The following NEU1 variants were observed in gnomAD, a reference collection of about 807,000 sequenced individuals.
NEU1 encodes neuraminidase 1.
In NEU1, 32 loss-of-function variants were observed where a neutral mutation model predicts 38.3. The observed-to-expected ratio is 0.84, with a 90% CI of 0.63 to 1.12. The LOEUF is 1.12. Ranked by LOEUF, NEU1 falls within the 50% of genes most tolerant of loss-of-function variation. NEU1 has a pLI of 0.00. For synonymous variants in NEU1, 192 were observed against 225.2 expected, an observed-to-expected ratio of 0.85 and a Z score of 1.32; for missense variants, 431 against 549.2, an observed-to-expected ratio of 0.78 and a Z score of 2.15.
chr6:31,857,664 A>G lies in NEU1; in HGVS notation c.*2055T>C, dbSNP rs1762354413. ...TTCTTTTTCTTTTTTTTTTTGAGCAAGGGCTCTCCCACTTACCTGCAGGCT... is the reference window on the plus strand; with the variant it reads ...TTCTTTTTCTTTTTTTTTTTGAGCAGGGGCTCTCCCACTTACCTGCAGGCT... On this transcript the variant is annotated 3_prime_UTR_variant, in exon 6 of 6. Transcript: ENST00000375631. 1 of 151,308 alleles carries G rather than the reference A, an allele frequency of 6.6e-6. No individual in the cohort carries two copies. The highest frequency in any genetic ancestry group is 2.4e-5 in the African/African-American group (1 of 41,156). The allele number at this position is 151,308 out of a possible 1,614,324, so 9.4% of individuals were successfully genotyped here.
rs1428856740 is a variant in NEU1 at position 31,860,014 on chromosome 6, C to G, written c.1021+28G>C. 2 of 1,612,874 alleles carry G rather than the reference C, an allele frequency of 1.2e-6. No homozygotes were observed. Among genetic ancestry groups the G allele is most frequent in the Admixed American group, 1.7e-5 (1 of 60,016 alleles). The stretch of plus-strand genomic sequence containing the variant: ...GCCTTGTCTAGACACAGGGCTCTCC[C>G]TGCTGACCCCACCCATGAGGCACTC... On this transcript the variant is annotated intron_variant, in intron 5 of 5. Transcript: ENST00000375631. The surrounding 1 kb of genome is among the most constrained non-coding windows in gnomAD (Gnocchi z 4.8).
At chr6:31,861,525 C>T in intron 2 of NEU1, 75 bp from the exon 3 acceptor site, 2 of 1,599,418 alleles carry the variant, frequency 1.3e-6, no homozygotes, top group Non-Finnish European at 1.7e-6. Context: ...CGTTAATTTC[C>T]CACCTTCTGC....
rs1049837207 is a variant in NEU1, at chr6:31,859,771, T to C, written c.1196A>G (p.His399Arg). The change falls in exon 6 of 6, where the codon CAC becomes CGC. Residue 399 changes from histidine to arginine, a missense_variant. His to Arg is a conservative substitution (Grantham distance 29, BLOSUM62 0). Coordinates refer to ENST00000375631, the MANE Select transcript of NEU1 (RefSeq NM_000434.4). ...LYVLYEKGRN[H>R]YTESISVAKI... is the part of the protein sequence containing the mutation. ...GGCCACGGAGATGCTCTCTGTGTAG[T>C]GGTTCCGGCCTTTCTCATACAGGAC... 6.2e-7 allele frequency: 1 copy of C among 1,613,044 alleles called. No homozygotes were observed. The highest frequency in any genetic ancestry group is 8.5e-7 in the Non-Finnish European group (1 of 1,180,026).
rs142833447 is a variant in NEU1 at position 31,861,401 on chromosome 6, G to A, written c.402C>T (p.Pro134=). Residue 134 remains proline, a synonymous_variant, in exon 3 of 6, where the codon CCC becomes CCT. Coordinates refer to ENST00000375631, the MANE Select transcript of NEU1 (RefSeq NM_000434.4). ...TAFIVNDGDV[P]DGLNLGAVVS... is the part of the protein sequence containing the mutation. Reference sequence around the variant, plus strand: ...CTACTGCCCCAAGGTTCAGCCCATCGGGGACATCCCCATCATTGACAATGA... The same window carrying A: ...CTACTGCCCCAAGGTTCAGCCCATCAGGGACATCCCCATCATTGACAATGA... 9.4e-4 allele frequency: 1,517 copies of A among 1,612,888 alleles called. No homozygotes were observed. The highest frequency in any genetic ancestry group is 1.2e-3 in the Non-Finnish European group (1,390 of 1,180,012).
chr6:31,861,370 C>T lies in NEU1; in HGVS notation c.433G>A (p.Asp145Asn), dbSNP rs751607058. 9.3e-6 allele frequency: 15 copies of T among 1,612,892 alleles called. No individual in the cohort carries two copies. Among genetic ancestry groups the T allele is most frequent in the East Asian group, 6.7e-5 (3 of 44,896 alleles). The change falls in exon 3 of 6, where the codon GAT becomes AAT. Residue 145 changes from aspartate (D) to asparagine (N), a missense_variant. Coordinates refer to ENST00000375631, the MANE Select transcript of NEU1 (RefSeq NM_000434.4). ...DGLNLGAVVS[D>N]VETGVVFLFY... ...AGAAATACTACTCCTGTCTCAACAT[C>T]GCTCACTACTGCCCCAAGGTTCAGC... is the stretch of plus-strand genomic sequence containing the variant.
rs1484280442 is a variant in NEU1, at chr6:31,860,427, T to C, written c.798+12A>G. On this transcript the variant is annotated intron_variant, in intron 4 of 5. Coordinates refer to ENST00000375631, the MANE Select transcript of NEU1 (RefSeq NM_000434.4). The surrounding 1 kb of genome is among the most constrained non-coding windows in gnomAD (Gnocchi z 4.8). ...GGTCAAATGGGTAGGGAACATCTCA[T>C]GGACTCCTGACCTGGCATTCATCAG... 8 of 1,614,008 alleles carry C rather than the reference T, an allele frequency of 5.0e-6. No homozygotes were observed. The highest frequency in any genetic ancestry group is 2.2e-5 in the East Asian group (1 of 44,868).
At position 31,859,879 on chromosome 6, in the gene NEU1, A is replaced by G. The variant is rs193922915; in HGVS notation, c.1088T>C (p.Leu363Pro). The change falls in exon 6 of 6, where the codon CTA (leucine) becomes CCA (proline). Residue 363 changes from leucine to proline, a missense_variant. Transcript: ENST00000375631. ...GTSWRKETVQ[L>P]WPGPSGYSSL... ...TGAATAGCCACTGGGGCCTGGCCAT[A>G]GCTGGACTGTCTCTTTCCGCCATGA... 1.2e-6 allele frequency: 2 copies of G among 1,612,934 alleles called. No individual in the cohort carries two copies. Among genetic ancestry groups the G allele is most frequent in the Non-Finnish European group, 1.7e-6 (2 of 1,180,032 alleles).
Position 31,862,089 on chromosome 6 carries a change from C to T in NEU1, c.262G>A (p.Gly88Ser). The change falls in exon 2 of 6, where the codon GGC becomes AGC. Residue 88 changes from glycine to serine, a missense_variant. Transcript: ENST00000375631. This position sits in a 1 kb window ranked among gnomAD's most constrained non-coding sequence, Gnocchi z 6.3. The stretch of plus-strand genomic sequence containing the variant: ...GCCTCAGCAAAGGCGAGAAGAGTGC[C>T]CCGCGGAGTGGCTGTGATGAGCGGG... ...RIPLITATPRGTLLAFAEARK... is the reference protein window; with the variant it reads ...RIPLITATPRSTLLAFAEARK... The T allele has an allele frequency of 6.2e-7, 1 of 1,613,074 alleles. No individual in the cohort carries two copies. The highest frequency in any genetic ancestry group is 8.5e-7 in the Non-Finnish European group (1 of 1,180,038).
chr6:31,859,677 C>T lies in NEU1; in HGVS notation c.*42G>A. The T allele has an allele frequency of 1.3e-6, 2 of 1,593,014 alleles. No homozygotes were observed. Among genetic ancestry groups the T allele is most frequent in the Non-Finnish European group, 1.7e-6 (2 of 1,164,226 alleles). On this transcript the variant is annotated 3_prime_UTR_variant, in exon 6 of 6. Coordinates refer to ENST00000375631, the MANE Select transcript of NEU1 (RefSeq NM_000434.4). ...CTCTACAGACCCGTGTTCCTGAAGG[C>T]AGAGTCCTGAAGGCAGAATACCCCT...
At position 31,862,300 on chromosome 6, in the gene NEU1, T is replaced by G. The variant is rs1762553307; in HGVS notation, c.160-109A>C. The G allele has an allele frequency of 8.2e-7, 1 of 1,216,388 alleles. No homozygotes were observed. Among genetic ancestry groups the G allele is most frequent in the Non-Finnish European group, 1.2e-6 (1 of 842,266 alleles). The allele number at this position is 1,216,388 out of a possible 1,614,324, so 75.3% of individuals were successfully genotyped here. A position where few individuals can be genotyped will look rare whatever the true frequency, so the allele number is the denominator to read the frequency against. On this transcript the variant is annotated intron_variant, in intron 1 of 5. Transcript: ENST00000375631. This position sits in a 1 kb window ranked among gnomAD's most constrained non-coding sequence, Gnocchi z 6.3. ...TCTAATGGGGATCCCGAGTAGGGGATGGGGTCCCAGAACAAGAAAGAGGAA... is the reference window on the plus strand; with the variant it reads ...TCTAATGGGGATCCCGAGTAGGGGAGGGGGTCCCAGAACAAGAAAGAGGAA...
chr6:31,861,078 C>A, intron 3 of NEU1, 110 bp downstream of exon 3: 1 of 1,517,774 alleles, frequency 6.6e-7, no homozygotes, highest in South Asian at 1.1e-5. Flanking sequence ...CCCACCCAAG[C>A]CAGAAAATCT....
At position 31,862,313 on chromosome 6, in the gene NEU1, CAAGA is replaced by C; in HGVS notation, c.160-126_160-123del. 1 of 1,124,742 alleles carries C rather than the reference CAAGA, an allele frequency of 8.9e-7. No homozygotes were observed. Among genetic ancestry groups the C allele is most frequent in the South Asian group, 1.3e-5 (1 of 75,554 alleles). The allele number at this position is 1,124,742 out of a possible 1,614,324, so 69.7% of individuals were successfully genotyped here. ...CCGAGTAGGGGATGGGGTCCCAGAA[CAAGA>C]AAGAGGAACACGAAGGGGAGTTTGG... On this transcript the variant is annotated intron_variant, in intron 1 of 5. Transcript: ENST00000375631. The surrounding 1 kb of genome is among the most constrained non-coding windows in gnomAD (Gnocchi z 6.3).
At chr6:31,861,516 G>A (rs766029281) in intron 2 of NEU1, 66 bp from the exon 3 acceptor site, 8 of 1,606,366 alleles carry the variant, frequency 5.0e-6, no homozygotes, top group Admixed American at 1.7e-5. Context: ...ACCACTTCCC[G>A]TTAATTTCCC....
Position 31,861,297 on chromosome 6 carries a change from G to A in NEU1, c.506C>T (p.Thr169Ile), listed in dbSNP as rs1249216438. ...ATCATCCTTGCTCCATACCAACATG[G>A]TAGAGGCCACCTGGCAGCCGGCCTT... ...AHKAGCQVAS[T>I]MLVWSKDDGV... is the part of the protein sequence containing the mutation. The change falls in exon 3 of 6, where the codon ACC (threonine) becomes ATC (isoleucine). Residue 169 changes from threonine to isoleucine, a missense_variant. Coordinates refer to ENST00000375631, the MANE Select transcript of NEU1 (RefSeq NM_000434.4). 1 of 1,613,044 alleles carries A rather than the reference G, an allele frequency of 6.2e-7. No individual in the cohort carries two copies. The highest frequency in any genetic ancestry group is 1.7e-5 in the Admixed American group (1 of 60,028).
Position 31,860,495 on chromosome 6 carries a change from C to T in NEU1, c.742G>A (p.Gly248Ser), listed in dbSNP as rs373311653. Residue 248 changes from glycine (G) to serine (S), a missense_variant, in exon 4 of 6, where the codon GGC becomes AGC. Physicochemically the swap from Gly to Ser is moderately conservative, Grantham distance 56. Coordinates refer to ENST00000375631, the MANE Select transcript of NEU1 (RefSeq NM_000434.4). This position sits in a 1 kb window ranked among gnomAD's most constrained non-coding sequence, Gnocchi z 4.8. ...ASWRYGSGVS[G>S]IPYGQPKQEN... ...TGCTTGGGCTGACCGTAGGGGATGCCGCTGACCCCACTTCCGTAGCGCCAG... is the reference window on the plus strand; with the variant it reads ...TGCTTGGGCTGACCGTAGGGGATGCTGCTGACCCCACTTCCGTAGCGCCAG... The T allele has an allele frequency of 1.4e-5, 23 of 1,613,928 alleles. No individual in the cohort carries two copies. The highest frequency in any genetic ancestry group is 2.2e-5 in the South Asian group (2 of 91,084).
chr6:31,859,615 G>T lies in NEU1; in HGVS notation c.*104C>A. On this transcript the variant is annotated 3_prime_UTR_variant, in exon 6 of 6. Coordinates refer to ENST00000375631, the MANE Select transcript of NEU1 (RefSeq NM_000434.4). The stretch of plus-strand genomic sequence containing the variant: ...ATTTTGCCAAGGCTGGAGTCTAAAG[G>T]AAGATGGAACTGTCTTTCAGGCGTC... 1.7e-6 allele frequency: 2 copies of T among 1,151,436 alleles called. No homozygotes were observed. Among genetic ancestry groups the T allele is most frequent in the South Asian group, 2.5e-5 (2 of 80,094 alleles). The allele number at this position is 1,151,436 out of a possible 1,614,324, so 71.3% of individuals were successfully genotyped here. A position where few individuals can be genotyped will look rare whatever the true frequency, so the allele number is the denominator to read the frequency against.
chr6:31,860,550 G>C lies in NEU1; in HGVS notation c.687C>G (p.Phe229Leu), dbSNP rs768162553. ...GHGTLERDGVFCLLSDDHGAS... is the reference protein window; with the variant it reads ...GHGTLERDGVLCLLSDDHGAS... ...CACCATGATCATCGCTGAGGAGACA[G>C]AAGACTCCGTCCCGCTCCAGCGTCC... The change falls in exon 4 of 6, where the codon TTC (phenylalanine) becomes TTG (leucine). Residue 229 changes from phenylalanine (F) to leucine (L), a missense_variant. Coordinates refer to ENST00000375631, the MANE Select transcript of NEU1 (RefSeq NM_000434.4). The surrounding 1 kb of genome is among the most constrained non-coding windows in gnomAD (Gnocchi z 4.8). 16 of 1,614,010 alleles carry C rather than the reference G, an allele frequency of 9.9e-6. No individual in the cohort carries two copies. Among genetic ancestry groups the C allele is most frequent in the Non-Finnish European group, 1.4e-5 (16 of 1,180,030 alleles).
In NEU1 at chr6:31,860,491, A is replaced by C; in HGVS notation, c.746T>G (p.Ile249Ser). 1 of 1,613,908 alleles carries C rather than the reference A, an allele frequency of 6.2e-7. No homozygotes were observed. ...TTCCTGCTTGGGCTGACCGTAGGGG[A>C]TGCCGCTGACCCCACTTCCGTAGCG... ...SWRYGSGVSG[I>S]PYGQPKQEND... The change falls in exon 4 of 6, where the codon ATC becomes AGC. Residue 249 changes from isoleucine to serine, a missense_variant. Coordinates refer to ENST00000375631, the MANE Select transcript of NEU1 (RefSeq NM_000434.4). The surrounding 1 kb of genome is among the most constrained non-coding windows in gnomAD (Gnocchi z 4.8).
rs1762487309 is a variant in NEU1, at chr6:31,861,031, ATGTGT to A, written c.615+152_615+156del. The A allele has an allele frequency of 3.0e-6, 3 of 984,344 alleles. No homozygotes were observed. The Admixed American group carries it at 7.1e-5, about 23-fold the overall frequency. 61.0% of individuals were successfully genotyped at this position (984,344 alleles called of 1,614,324 possible). ...GGCAGAGTTCCCTCTTCTCCTGATA[ATGTGT>A]TCCTACCAGGATGCCCTGTCTTTCA... On this transcript the variant is annotated intron_variant, in intron 3 of 5. Transcript: ENST00000375631.
Sources: gnomAD v4.1 joint callset for allele counts on GRCh38, gnomAD v4.1.1 for gene constraint, Gnocchi (gnomAD v3.1) non-coding constraint, MANE v1.5 for transcripts, NCBI Gene and HGNC (gene_info 2026-07-23, HGNC 2026-07-21) for gene names.